PDE4D: variants seen among roughly 807,000 people sequenced by gnomAD.
The protein encoded by PDE4D is phosphodiesterase 4D.
Under a neutral mutation model 87.4 loss-of-function variants are expected in PDE4D, and 24 were observed. That is an observed-to-expected ratio of 0.27 (90% CI 0.20 to 0.39). The LOEUF (loss-of-function observed/expected upper bound fraction) is 0.39, where lower values mean the gene tolerates loss of function less well. Among genes scored for constraint, PDE4D ranks in the 10% least tolerant of loss-of-function variants. PDE4D has a pLI of 1.00. For missense variants in PDE4D, 714 were observed against 1,041.0 expected (o/e 0.69, Z 4.32); for synonymous variants, 384 against 383.2 (o/e 1.00, Z -0.02).
intron 3 of PDE4D, among the ~76,000 whole-genome samples, chr5:59,966,841 A>G (rs923573224): frequency 1.2e-4 from 19 of 152,350 alleles, no homozygotes; most frequent in Admixed American, 3.9e-4. Flanking sequence ...AATGGTGCCA[A>G]TTTACAACAA....
chr5:59,649,904 C>CTTGTTTTTTTTT (rs1561402852), intron 1 of PDE4D, among the ~76,000 whole-genome samples: 5 of 73,960 alleles, frequency 6.8e-5, no homozygotes, highest in African/African-American at 2.6e-4. Context: ...AGTTTGTGAA[C>CTTGTTTTTTTTT]CTTTTTTTTT....
chr5:60,157,891 C>CCCTTCCTTCCTTCCTT (rs112255610), intron 2 of PDE4D, among the ~76,000 whole-genome samples: 33 of 146,854 alleles, frequency 2.2e-4, no homozygotes, highest in African/African-American at 8.1e-4. Flanking sequence ...CCCTTTCTTT[C>CCCTTCCTTCCTTCCTT]CCTTCCTTCC....
chr5:59,291,652 A>G (rs1372246818), intron 1 of PDE4D, among the ~76,000 whole-genome samples: 1 of 151,780 alleles, frequency 6.6e-6, no homozygotes, highest in East Asian at 1.9e-4. Context: ...TGTGATTATT[A>G]TGCATTGTAT....
intron 2 of PDE4D, among the ~76,000 whole-genome samples, chr5:60,182,927 T>C (rs865857652): frequency 2.6e-5 from 4 of 151,650 alleles, no homozygotes; most frequent in African/African-American, 4.8e-5. Context: ...GGACCAAATG[T>C]TTGTGTCCCC....
chr5:59,349,830 C>T (rs1194442546), intron 1 of PDE4D, among the ~76,000 whole-genome samples: 2 of 152,026 alleles, frequency 1.3e-5, no homozygotes, highest in Non-Finnish European at 2.9e-5. Context: ...CTGCAGGCCA[C>T]CTTATAAAAC....
At chr5:59,495,083 C>T (rs1806921006) in intron 1 of PDE4D, among the ~76,000 whole-genome samples, 1 of 152,324 alleles carries the variant, frequency 6.6e-6, no homozygotes, top group Non-Finnish European at 1.5e-5. Context: ...CCCTAGGAAT[C>T]TTCCTTGAGT....
intron 11 of PDE4D, among the ~76,000 whole-genome samples, chr5:58,981,985 A>C (rs6887956): frequency 0.018 from 2,738 of 152,280 alleles, 69 homozygotes; most frequent in African/African-American, 0.051. Context: ...GGATGATTGA[A>C]TCAGATGCAT....
At chr5:59,034,024 C>T (rs1390414177) in intron 6 of PDE4D, among the ~76,000 whole-genome samples, 1 of 152,090 alleles carries the variant, frequency 6.6e-6, no homozygotes, top group Non-Finnish European at 1.5e-5. Flanking sequence ...AAGGGCTCTA[C>T]TTTTCAGTGA....
chr5:60,460,291 A>C (rs988581499), intron 1 of PDE4D: 20 of 1,031,182 alleles, frequency 1.9e-5, no homozygotes, highest in Non-Finnish European at 2.6e-5. Flanking sequence ...TTTGGATAGA[A>C]GTTTATTTTC....
At chr5:60,294,269 T>C (rs1456857113) in intron 1 of PDE4D, among the ~76,000 whole-genome samples, 6 of 152,226 alleles carry the variant, frequency 3.9e-5, no homozygotes, top group African/African-American at 7.2e-5. Flanking sequence ...CCCATTTTTA[T>C]TGAGCTATTT....
At chr5:59,375,237 A>G (rs1029576366) in intron 1 of PDE4D, among the ~76,000 whole-genome samples, 2 of 152,176 alleles carry the variant, frequency 1.3e-5, no homozygotes, top group Non-Finnish European at 2.9e-5. Context: ...AAGATCAGTG[A>G]ATCCAGGAGT....
intron 1 of PDE4D, among the ~76,000 whole-genome samples, chr5:60,349,944 TAAC>T (rs1561150437): frequency 6.6e-6 from 1 of 152,132 alleles, no homozygotes; most frequent in Non-Finnish European, 1.5e-5. Flanking sequence ...TGAATTCAGA[TAAC>T]AACATCAATG....
chr5:60,295,113 T>C (rs1260729238), intron 1 of PDE4D, among the ~76,000 whole-genome samples: 1 of 152,104 alleles, frequency 6.6e-6, no homozygotes. Flanking sequence ...TTTTCTATTT[T>C]CTGGCATTAT....
chr5:59,394,447 T>A (rs1421046299), intron 1 of PDE4D, among the ~76,000 whole-genome samples: 1 of 152,200 alleles, frequency 6.6e-6, no homozygotes, highest in Non-Finnish European at 1.5e-5. Flanking sequence ...TATTTTCTTT[T>A]TTTGCCCAAT....
intron 2 of PDE4D, among the ~76,000 whole-genome samples, chr5:60,116,990 C>T (rs1778229275): frequency 6.6e-6 from 1 of 151,406 alleles, no homozygotes; most frequent in South Asian, 2.1e-4. Flanking sequence ...ATTTTTTCTG[C>T]AAAAATTATT....
chr5:59,948,703 T>C (rs1007523702), intron 3 of PDE4D, among the ~76,000 whole-genome samples: 5 of 152,242 alleles, frequency 3.3e-5, no homozygotes, highest in South Asian at 2.1e-4. Context: ...ACCTTTGAGA[T>C]GCTTACAACT....
At chr5:59,849,873 T>G (rs1247873918) in intron 1 of PDE4D, among the ~76,000 whole-genome samples, 1 of 152,072 alleles carries the variant, frequency 6.6e-6, no homozygotes. Context: ...TAAAAGCAAG[T>G]AGTATTGAAA....
At chr5:60,111,472 C>A (rs543404940) in intron 2 of PDE4D, among the ~76,000 whole-genome samples, 58 of 151,978 alleles carry the variant, frequency 3.8e-4, no homozygotes, top group African/African-American at 1.3e-3. Flanking sequence ...CCTAGAAATT[C>A]TTTATTTGGA....
At chr5:59,479,498 A>C (rs1803879845) in intron 1 of PDE4D, among the ~76,000 whole-genome samples, 1 of 152,128 alleles carries the variant, frequency 6.6e-6, no homozygotes, top group Admixed American at 6.6e-5. Flanking sequence ...AATAATTCCA[A>C]ATTTCCCATT....
Sources: gnomAD v4.1 joint callset for allele counts (sites outside exome capture counted in the v4.1 genomes callset) on GRCh38, gnomAD v4.1.1 for gene constraint, MANE v1.5 for transcripts, NCBI Gene and HGNC (gene_info 2026-07-23, HGNC 2026-07-21) for gene names.